The following WDR43 variants were observed in gnomAD, a reference collection of about 807,000 sequenced individuals.
WDR43 encodes WD repeat domain 43.
In WDR43, 13 loss-of-function variants were observed where a neutral mutation model predicts 91.4. The observed-to-expected ratio is 0.14, with a 90% CI of 0.09 to 0.23. The LOEUF is 0.23. Among genes scored for constraint, WDR43 ranks in the 10% least tolerant of loss-of-function variants. The pLI is 1.00. For synonymous variants in WDR43, 331 were observed against 287.9 expected (o/e 1.15, Z -1.51); for missense variants, 780 against 809.4 (o/e 0.96, Z 0.44).
At chr2:28,926,443 C>G (rs1671143711) in intron 8 of WDR43, 25 bp from the exon 9 acceptor site, 5 of 1,479,506 alleles carry the variant, frequency 3.4e-6, no homozygotes, top group Non-Finnish European at 4.5e-6. Flanking sequence ...TCTCATCTTC[C>G]CCTTTAAAAA....
At chr2:28,938,412 A>C (rs539599385) in intron 14 of WDR43, among the ~76,000 whole-genome samples, 1 of 152,068 alleles carries the variant, frequency 6.6e-6, no homozygotes, top group Non-Finnish European at 1.5e-5. Flanking sequence ...AATATTTGCT[A>C]CCTGACAATT....
In WDR43 at chr2:28,947,648, G is replaced by A. The variant is rs1671570267; in HGVS notation, c.*869G>A. On this transcript the variant is annotated 3_prime_UTR_variant, in exon 18 of 18. Coordinates refer to ENST00000407426, the MANE Select transcript of WDR43 (RefSeq NM_015131.3). Reference sequence around the variant, plus strand: ...AACAATTGTTTATTTTTTCTCTTTGGTTTTAGATATTAATGATAACCTTGT... The same window carrying A: ...AACAATTGTTTATTTTTTCTCTTTGATTTTAGATATTAATGATAACCTTGT... 1 of 151,556 alleles carries A rather than the reference G, an allele frequency of 6.6e-6. No homozygotes were observed. The highest frequency in any genetic ancestry group is 6.6e-5 in the Admixed American group (1 of 15,224). The allele number at this position is 151,556 out of a possible 1,614,324, so 9.4% of individuals were successfully genotyped here. A position where few individuals can be genotyped will look rare whatever the true frequency, so the allele number is the denominator to read the frequency against.
intron 3 of WDR43, 119 bp downstream of exon 3, chr2:28,906,700 G>T: frequency 1.6e-6 from 2 of 1,253,446 alleles, no homozygotes; most frequent in Non-Finnish European, 2.1e-6. Context: ...TAATCAAATC[G>T]AGCATGCAAG....
chr2:28,931,520 A>G (rs767621212), intron 11 of WDR43, among the ~76,000 whole-genome samples: 6 of 152,326 alleles, frequency 3.9e-5, no homozygotes, highest in Non-Finnish European at 8.8e-5. Context: ...AAGATTTTGC[A>G]TACTGCATCA....
intron 3 of WDR43, among the ~76,000 whole-genome samples, chr2:28,910,379 T>G (rs528066646): frequency 6.6e-6 from 1 of 152,270 alleles, no homozygotes; most frequent in African/African-American, 2.4e-5. Flanking sequence ...AATCGATAAA[T>G]TGGCAAAAAT....
intron 11 of WDR43, among the ~76,000 whole-genome samples, chr2:28,933,370 C>T (rs556730725): frequency 6.6e-6 from 1 of 152,118 alleles, no homozygotes; most frequent in African/African-American, 2.4e-5. Context: ...TCTCACCTTA[C>T]ACAAAAATCA....
chr2:28,946,168 T>C (rs548651822), intron 16 of WDR43, among the ~76,000 whole-genome samples: 1 of 151,968 alleles, frequency 6.6e-6, no homozygotes, highest in Non-Finnish European at 1.5e-5. Flanking sequence ...AAACCCTGTC[T>C]ATACCAAAAA....
At chr2:28,943,016 C>G (rs1671478162) in intron 16 of WDR43, among the ~76,000 whole-genome samples, 1 of 152,082 alleles carries the variant, frequency 6.6e-6, no homozygotes, top group African/African-American at 2.4e-5. Flanking sequence ...CCAAAATTGA[C>G]TTTAAAAGAA....
Position 28,914,166 on chromosome 2 carries a change from A to G in WDR43, c.704A>G (p.Tyr235Cys). ...CCCTTTGATGGAATTACAGGTCTTT[A>G]TTTCTTATCTGGAGCAGTACATGAC... Reference protein sequence around the residue: ...SQPFDGITGLYFLSGAVHDRL... With the variant: ...SQPFDGITGLCFLSGAVHDRL... The change falls in exon 5 of 18, where the codon TAT becomes TGT. Residue 235 changes from tyrosine to cysteine, a missense_variant. By Grantham distance (194) the Tyr-to-Cys change is radical. This residue lies in a region of WDR43 where 174 missense variants were observed against 207.3 expected (regional missense o/e 0.84). Transcript: ENST00000407426. 1 of 1,613,842 alleles carries G rather than the reference A, an allele frequency of 6.2e-7. No homozygotes were observed. Among genetic ancestry groups the G allele is most frequent in the Non-Finnish European group, 8.5e-7 (1 of 1,179,864 alleles).
chr2:28,918,832 T>G (rs1670966010), intron 6 of WDR43, among the ~76,000 whole-genome samples: 1 of 152,226 alleles, frequency 6.6e-6, no homozygotes. Flanking sequence ...GATTTTGATT[T>G]GCACAGAATC....
At chr2:28,923,659 A>G (rs1671078453) in intron 7 of WDR43, among the ~76,000 whole-genome samples, 1 of 152,214 alleles carries the variant, frequency 6.6e-6, no homozygotes, top group African/African-American at 2.4e-5. Context: ...TACTCATTTC[A>G]AAACACCCAG....
rs984455292 is a variant in WDR43 at position 28,945,117 on chromosome 2, A to G, written c.1805-1333A>G. ...CATACTGGAGAATGAGAAGCTCACA[A>G]TAGTGGTTTCTTTTGGGGAATGGGC... is the stretch of plus-strand genomic sequence containing the variant. On this transcript the variant is annotated intron_variant, in intron 16 of 17. Coordinates refer to ENST00000407426, the MANE Select transcript of WDR43 (RefSeq NM_015131.3). Among the ~76,000 whole-genome samples the G allele has an allele frequency of 2.0e-5, 3 of 152,214 alleles. No individual in the cohort carries two copies. In the South Asian group the frequency reaches 6.2e-4, roughly 31 times the overall value.
Position 28,907,468 on chromosome 2 carries a change from A to AAAAAAAAAAG in WDR43, c.485+887_485+888insAAAAAAAAAG, listed in dbSNP as rs34947681. Among the ~76,000 whole-genome samples, 2 of 120,280 alleles carry AAAAAAAAAAG rather than the reference A, an allele frequency of 1.7e-5. 1 individual carries two copies. The highest frequency in any genetic ancestry group is 3.3e-5 in the Non-Finnish European group (2 of 59,750). The allele number at this position is 120,280 out of a possible 152,430, so 78.9% of individuals were successfully genotyped here. On this transcript the variant is annotated intron_variant, in intron 3 of 17. Coordinates refer to ENST00000407426, the MANE Select transcript of WDR43 (RefSeq NM_015131.3). ...TTACAAAAAAAAAAAAAAAAAAAAAATTGGGTGTGGTGGCATGCATGGCCT... is the reference window on the plus strand; with the variant it reads ...TTACAAAAAAAAAAAAAAAAAAAAAAAAAAAAAAAGTTGGGTGTGGTGGCATGCATGGCCT...
chr2:28,925,361 G>A (rs188386422), intron 8 of WDR43, among the ~76,000 whole-genome samples: 1 of 152,236 alleles, frequency 6.6e-6, no homozygotes, highest in East Asian at 1.9e-4. Context: ...CATTGTTTGA[G>A]TTATTTATAT....
intron 3 of WDR43, among the ~76,000 whole-genome samples, chr2:28,910,411 AG>A (rs1452567688): frequency 6.6e-5 from 10 of 152,200 alleles, no homozygotes; most frequent in African/African-American, 2.4e-4. Context: ...GTAAGGGTAA[AG>A]GAAAAGTTCT....
At position 28,906,517 on chromosome 2, in the gene WDR43, T is replaced by C; in HGVS notation, c.421T>C (p.Leu141=). Residue 141 remains leucine (L), a synonymous_variant, in exon 3 of 18, where the codon TTA becomes CTA. Coordinates refer to ENST00000407426, the MANE Select transcript of WDR43 (RefSeq NM_015131.3). Reference sequence around the variant, plus strand: ...ACAGTGGCATCAAGACAGTGGCTGTTTATATAGTTGTTCAGATGATAAACA... The same window carrying C: ...ACAGTGGCATCAAGACAGTGGCTGTCTATATAGTTGTTCAGATGATAAACA... ...CIQWHQDSGC[L]YSCSDDKHIV... 1 of 1,605,580 alleles carries C rather than the reference T, an allele frequency of 6.2e-7. No homozygotes were observed. The highest frequency in any genetic ancestry group is 1.1e-5 in the South Asian group (1 of 89,404).
intron 5 of WDR43, among the ~76,000 whole-genome samples, chr2:28,914,506 A>G (rs1670870450): frequency 6.6e-6 from 1 of 152,344 alleles, no homozygotes; most frequent in Non-Finnish European, 1.5e-5. Flanking sequence ...TTTGAAATAT[A>G]TGGCACCACT....
At chr2:28,929,850 G>T in intron 11 of WDR43, 140 bp downstream of exon 11, 1 of 902,716 alleles carries the variant, frequency 1.1e-6, no homozygotes, top group Non-Finnish European at 1.7e-6. Context: ...AGTCAAACAT[G>T]TATCACTTGG....
rs916095901 is a variant in WDR43, at chr2:28,947,816, A to G, written c.*1037A>G. The G allele has an allele frequency of 6.7e-6, 1 of 148,924 alleles. No homozygotes were observed. The highest frequency in any genetic ancestry group is 2.5e-5 in the African/African-American group (1 of 40,492). 9.2% of individuals were successfully genotyped at this position (148,924 alleles called of 1,614,324 possible). On this transcript the variant is annotated 3_prime_UTR_variant, in exon 18 of 18. Transcript: ENST00000407426. ...CTCACTCAAGATTTTTTATGTATGTATAAATATTTTGGTGTGCTACAAAAG... is the reference window on the plus strand; with the variant it reads ...CTCACTCAAGATTTTTTATGTATGTGTAAATATTTTGGTGTGCTACAAAAG...
Sources: allele counts gnomAD v4.1 joint callset (sites outside exome capture counted in the v4.1 genomes callset), GRCh38; gene constraint gnomAD v4.1.1; regional missense constraint gnomAD v4.1.1; transcripts MANE v1.5; gene names NCBI Gene and HGNC (gene_info 2026-07-23, HGNC 2026-07-21).